The following CNBD1 variants were observed in gnomAD, a reference collection of about 807,000 sequenced individuals.
The protein encoded by CNBD1 is cyclic nucleotide-binding domain-containing protein 1.
Under a neutral mutation model 54.4 loss-of-function variants are expected in CNBD1, and 71 were observed. The observed-to-expected ratio is 1.30, with a 90% CI of 1.08 to 1.59. CNBD1 has a LOEUF of 1.59. Ranked by LOEUF, CNBD1 falls within the 40% of genes most tolerant of loss-of-function variation. CNBD1 has a pLI of 0.00. For synonymous variants in CNBD1, 182 were observed against 170.7 expected (o/e 1.07, Z -0.51); for missense variants, 659 against 518.0 (o/e 1.27, Z -2.64).
chr8:87,244,444 G>A (rs1413999534), intron 6 of CNBD1, among the ~76,000 whole-genome samples: 3 of 152,108 alleles, frequency 2.0e-5, no homozygotes, highest in Non-Finnish European at 4.4e-5. Context: ...TTTGTTATAA[G>A]TATATAATTG....
At chr8:87,379,723 G>C (rs571314747) in intron 10 of CNBD1, among the ~76,000 whole-genome samples, 1 of 151,748 alleles carries the variant, frequency 6.6e-6, no homozygotes. Flanking sequence ...TAAGAAATAC[G>C]TTTATAATAT....
At chr8:86,890,496 T>C (rs1397659478) in intron 2 of CNBD1, among the ~76,000 whole-genome samples, 1 of 152,124 alleles carries the variant, frequency 6.6e-6, no homozygotes, top group Non-Finnish European at 1.5e-5. Flanking sequence ...CTGATGGACA[T>C]TTAGGTTGAT....
Position 87,142,957 on chromosome 8 carries a change from G to T in CNBD1, c.432-63036G>T, listed in dbSNP as rs1351307660. Among the ~76,000 whole-genome samples, 7 of 152,146 alleles carry T rather than the reference G, an allele frequency of 4.6e-5. No homozygotes were observed. In the East Asian group the frequency reaches 1.4e-3, roughly 29 times the overall value. On this transcript the variant is annotated intron_variant, in intron 4 of 10. Transcript: ENST00000518476. ...AATTCTAGACATCCTGAATATAGTTGTGAACAAAACAAACCTAGTGTCTGT... is the reference window on the plus strand; with the variant it reads ...AATTCTAGACATCCTGAATATAGTTTTGAACAAAACAAACCTAGTGTCTGT...
chr8:86,966,042 A>G (rs1003782924), intron 4 of CNBD1, among the ~76,000 whole-genome samples: 1 of 152,034 alleles, frequency 6.6e-6, no homozygotes, highest in Non-Finnish European at 1.5e-5. Flanking sequence ...CAGGGCTTTT[A>G]TGGACCTCAA....
chr8:87,082,029 G>A (rs1467480206), intron 4 of CNBD1, among the ~76,000 whole-genome samples: 1 of 152,072 alleles, frequency 6.6e-6, no homozygotes. Flanking sequence ...GCGTCTTCTT[G>A]GTGAATTGAT....
intron 2 of CNBD1, among the ~76,000 whole-genome samples, chr8:87,425,674 G>T (rs533070637): frequency 1.3e-5 from 2 of 151,924 alleles, no homozygotes; most frequent in Non-Finnish European, 2.9e-5. Context: ...CAGTCTGCCC[G>T]TTCTCAGATC....
At chr8:87,329,553 A>G (rs1333246005) in intron 8 of CNBD1, among the ~76,000 whole-genome samples, 8 of 152,132 alleles carry the variant, frequency 5.3e-5, no homozygotes, top group Non-Finnish European at 1.2e-4. Flanking sequence ...CTCTCCAGTT[A>G]TATAGTACTT....
At chr8:87,079,135 G>GT (rs1810935097) in intron 4 of CNBD1, among the ~76,000 whole-genome samples, 1 of 151,460 alleles carries the variant, frequency 6.6e-6, no homozygotes. Context: ...ACAGTGTCTA[G>GT]TTTTTTTCAC....
intron 3 of CNBD1, 109 bp from the exon 4 acceptor site, chr8:86,939,487 C>T (rs1229877261): frequency 5.8e-6 from 4 of 694,128 alleles, no homozygotes; most frequent in East Asian, 5.8e-5. Context: ...CTGAAAATGA[C>T]AAATTTTCTC....
chr8:86,903,418 C>A (rs1398800743), intron 2 of CNBD1, among the ~76,000 whole-genome samples: 1 of 152,096 alleles, frequency 6.6e-6, no homozygotes, highest in Non-Finnish European at 1.5e-5. Flanking sequence ...CATATGTCTA[C>A]ACTTTTGTAC....
intron 4 of CNBD1, among the ~76,000 whole-genome samples, chr8:87,109,643 A>G (rs1051767954): frequency 2.0e-5 from 3 of 148,516 alleles, no homozygotes; most frequent in Non-Finnish European, 4.4e-5. Flanking sequence ...GGTTCACGCC[A>G]TTCTCCTGCC....
At chr8:87,191,506 G>A (rs183849639) in intron 4 of CNBD1, among the ~76,000 whole-genome samples, 3 of 152,204 alleles carry the variant, frequency 2.0e-5, no homozygotes, top group Admixed American at 6.5e-5. Context: ...GGCATTGCTC[G>A]ATGCAGTCAA....
chr8:87,426,558 T>C lies in CNBD1; in HGVS notation c.214-1988T>C, dbSNP rs541204257. On this transcript the variant is annotated intron_variant, in intron 2 of 7. Coordinates refer to the CNBD1 transcript ENST00000521593. ...ACAGAAACTTATAATGAGGTAATTA[T>C]CCACTTTTACTTTTTTATCAAGCTA... Among the ~76,000 whole-genome samples the C allele has an allele frequency of 4.6e-5, 7 of 152,314 alleles. No homozygotes were observed. In the South Asian group the frequency reaches 1.2e-3, roughly 27 times the overall value.
At chr8:87,201,614 A>T (rs1813863414) in intron 4 of CNBD1, among the ~76,000 whole-genome samples, 1 of 152,172 alleles carries the variant, frequency 6.6e-6, no homozygotes, top group African/African-American at 2.4e-5. Flanking sequence ...AAACAAAACC[A>T]TTTAGAATAC....
intron 4 of CNBD1, among the ~76,000 whole-genome samples, chr8:87,129,758 A>G (rs1812077452): frequency 6.6e-6 from 1 of 152,188 alleles, no homozygotes; most frequent in Non-Finnish European, 1.5e-5. Flanking sequence ...AGTCTCACAT[A>G]TTTAAACATT....
intron 4 of CNBD1, among the ~76,000 whole-genome samples, chr8:87,075,839 C>A (rs1810857469): frequency 6.6e-6 from 1 of 152,200 alleles, no homozygotes; most frequent in Middle Eastern, 3.4e-3. Flanking sequence ...GTGAGGTGAG[C>A]AATGGTGCCT....
rs1807828045 is a variant in CNBD1, at chr8:87,416,002, C to A, written c.214-12544C>A. 2.0e-5 allele frequency among the ~76,000 whole-genome samples: 3 copies of A among 151,876 alleles called. No individual in the cohort carries two copies. The South Asian group carries it at 6.2e-4, about 31-fold the overall frequency. On this transcript the variant is annotated intron_variant, in intron 2 of 7. Coordinates refer to the CNBD1 transcript ENST00000521593. ...ATTAACAAAAAAAATTACATCCACA[C>A]ACACATACACACACAAAAATAGATT... is the stretch of plus-strand genomic sequence containing the variant.
intron 2 of CNBD1, among the ~76,000 whole-genome samples, chr8:87,425,115 G>A (rs1301217249): frequency 6.6e-6 from 1 of 151,806 alleles, no homozygotes; most frequent in Non-Finnish European, 1.5e-5. Flanking sequence ...GATCGCATCG[G>A]CTCCTGAGGC....
At chr8:87,416,578 A>G (rs1163402997) in intron 2 of CNBD1, among the ~76,000 whole-genome samples, 1 of 152,054 alleles carries the variant, frequency 6.6e-6, no homozygotes, top group Non-Finnish European at 1.5e-5. Flanking sequence ...CCTCATTCCC[A>G]GACAAGCATC....
Sources: allele counts gnomAD v4.1 joint callset (sites outside exome capture counted in the v4.1 genomes callset), GRCh38; gene constraint gnomAD v4.1.1; transcripts MANE v1.5; gene names NCBI Gene and HGNC (gene_info 2026-07-23, HGNC 2026-07-21).